The following MECOM variants were observed in gnomAD, a reference collection of about 807,000 sequenced individuals.
MECOM encodes the protein histone-lysine N-methyltransferase MECOM.
MECOM carries 13 observed loss-of-function variants against 116.3 expected under a neutral mutation model. The observed-to-expected ratio is 0.11, with a 90% CI of 0.07 to 0.18. The LOEUF is 0.18. Among genes scored for constraint, MECOM ranks in the 10% least tolerant of loss-of-function variants. The pLI, the probability that MECOM is intolerant of heterozygous loss-of-function variation, is 1.00. For missense variants in MECOM, 1,299 were observed against 1,509.0 expected, an observed-to-expected ratio of 0.86 and a Z score of 2.31; for synonymous variants, 528 against 535.2, an observed-to-expected ratio of 0.99 and a Z score of 0.19.
intron 2 of MECOM, among the ~76,000 whole-genome samples, chr3:169,191,666 CAGAG>C (rs1036418030): frequency 1.6e-5 from 2 of 123,948 alleles, no homozygotes; most frequent in Non-Finnish European, 1.7e-5. Flanking sequence ...CAGGAAAAAA[CAGAG>C]AGAAAGAAGA....
At chr3:169,560,312 A>G (rs1431935756) in intron 1 of MECOM, among the ~76,000 whole-genome samples, 1 of 152,190 alleles carries the variant, frequency 6.6e-6, no homozygotes, top group Non-Finnish European at 1.5e-5. Context: ...AAAGGTGACT[A>G]GAGAAACCAA....
At chr3:169,371,565 G>T (rs1018777702) in intron 2 of MECOM, among the ~76,000 whole-genome samples, 1 of 151,348 alleles carries the variant, frequency 6.6e-6, no homozygotes, top group Non-Finnish European at 1.5e-5. Flanking sequence ...GAGGTGATGG[G>T]TATCTTAATT....
At position 169,390,115 on chromosome 3, in the gene MECOM, G is replaced by A. The variant is rs542813354; in HGVS notation, c.38-8591C>T. On this transcript the variant is annotated intron_variant, in intron 1 of 16. Transcript: ENST00000651503. ...TAACCTTGAGAGGCAGAGGCTGAGAGTCATAGCTGCTTGGGGTCTCTGTTT... is the reference window on the plus strand; with the variant it reads ...TAACCTTGAGAGGCAGAGGCTGAGAATCATAGCTGCTTGGGGTCTCTGTTT... Among the ~76,000 whole-genome samples, 3 of 152,278 alleles carry A rather than the reference G, an allele frequency of 2.0e-5. No homozygotes were observed. In the East Asian group the frequency reaches 5.8e-4, roughly 29 times the overall value.
intron 1 of MECOM, among the ~76,000 whole-genome samples, chr3:169,401,416 T>C (rs1412456128): frequency 6.6e-6 from 1 of 152,176 alleles, no homozygotes; most frequent in East Asian, 1.9e-4. Flanking sequence ...CATTTACATT[T>C]AAAAACCTAC....
chr3:169,484,060 A>G (rs2108870903), intron 1 of MECOM: 2 of 1,096,960 alleles, frequency 1.8e-6, no homozygotes, highest in East Asian at 5.0e-5. Flanking sequence ...AGTACAACCT[A>G]TAGCTACCAG....
chr3:169,290,737 C>G (rs1269663726), intron 2 of MECOM, among the ~76,000 whole-genome samples: 1 of 152,100 alleles, frequency 6.6e-6, no homozygotes, highest in Non-Finnish European at 1.5e-5. Flanking sequence ...AGCTGTATTT[C>G]TAGATCATAA....
At chr3:169,272,479 A>G (rs1577543288) in intron 2 of MECOM, among the ~76,000 whole-genome samples, 1 of 152,216 alleles carries the variant, frequency 6.6e-6, no homozygotes, top group East Asian at 1.9e-4. Context: ...GGTAAAAGAA[A>G]TAGGGGCAGA....
Position 169,107,926 on chromosome 3 carries a change from C to A in MECOM, c.2604G>T (p.Trp868Cys). The A allele has an allele frequency of 6.2e-7, 1 of 1,611,400 alleles. No individual in the cohort carries two copies. The highest frequency in any genetic ancestry group is 2.2e-5 in the East Asian group (1 of 44,744). ...PQFQLPDQRT[W>C]MSAIENMAEK... ...TCAAAAATATAAGTAGGAAACTTAC[C>A]CAAGTTCTCTGATCAGGCAGTTGGA... The change falls in exon 10 of 17, where the codon TGG becomes TGT. Residue 868 changes from tryptophan (W) to cysteine (C), a missense_variant and splice_region_variant. Transcript: ENST00000651503.
At chr3:169,443,168 G>A (rs1177276295) in intron 1 of MECOM, among the ~76,000 whole-genome samples, 1 of 152,168 alleles carries the variant, frequency 6.6e-6, no homozygotes, top group East Asian at 1.9e-4. Flanking sequence ...GGTATCCCAT[G>A]GAAAAGAATA....
chr3:169,274,756 C>T (rs1049914721), intron 2 of MECOM, among the ~76,000 whole-genome samples: 2 of 152,192 alleles, frequency 1.3e-5, no homozygotes, highest in African/African-American at 4.8e-5. Context: ...CTCACTCACG[C>T]TAGTGCTCAA....
intron 1 of MECOM, among the ~76,000 whole-genome samples, chr3:169,581,250 C>A (rs1282698899): frequency 6.6e-6 from 1 of 152,156 alleles, no homozygotes; most frequent in East Asian, 1.9e-4. Flanking sequence ...TTCTTCTTAT[C>A]TCTGATCTTC....
chr3:169,193,229 A>G (rs973007134), intron 2 of MECOM, among the ~76,000 whole-genome samples: 4 of 152,066 alleles, frequency 2.6e-5, no homozygotes, highest in African/African-American at 9.7e-5. Context: ...GACTTGACTT[A>G]ATCATAGTTG....
intron 1 of MECOM, among the ~76,000 whole-genome samples, chr3:169,491,375 G>C (rs567314468): frequency 2.0e-5 from 3 of 152,124 alleles, no homozygotes; most frequent in African/African-American, 7.2e-5. Context: ...ACTAGAAAAG[G>C]CTCTAGGTTG....
intron 1 of MECOM, among the ~76,000 whole-genome samples, chr3:169,657,435 A>T (rs773687521): frequency 7.6e-4 from 115 of 152,244 alleles, no homozygotes; most frequent in Non-Finnish European, 1.3e-3. Flanking sequence ...ATGTAATAAG[A>T]TGCTGTAGCT....
chr3:169,396,982 T>A (rs963639254), intron 1 of MECOM, among the ~76,000 whole-genome samples: 23 of 151,836 alleles, frequency 1.5e-4, no homozygotes, highest in Admixed American at 5.2e-4. Context: ...CAAAAAAAAA[T>A]AAATAAATAA....
chr3:169,210,070 G>A (rs1750513326), intron 2 of MECOM, among the ~76,000 whole-genome samples: 1 of 152,114 alleles, frequency 6.6e-6, no homozygotes, highest in African/African-American at 2.4e-5. Flanking sequence ...GGATGAAGCT[G>A]GAAGCCATCA....
intron 2 of MECOM, among the ~76,000 whole-genome samples, chr3:169,361,696 A>T (rs1728324699): frequency 6.6e-6 from 1 of 151,914 alleles, no homozygotes; most frequent in Non-Finnish European, 1.5e-5. Context: ...AGTCAGTGGT[A>T]GAGAATTTGA....
chr3:169,160,649 T>C (rs2149347268), intron 2 of MECOM, among the ~76,000 whole-genome samples: 1 of 150,790 alleles, frequency 6.6e-6, no homozygotes, highest in Admixed American at 6.6e-5. Context: ...TAATATATTG[T>C]ACATTTTGAA....
chr3:169,307,287 G>C (rs1717898763), intron 2 of MECOM, among the ~76,000 whole-genome samples: 1 of 152,114 alleles, frequency 6.6e-6, no homozygotes, highest in South Asian at 2.1e-4. Flanking sequence ...CCCTTCAATA[G>C]CTTCTCCACA....
Sources: allele counts gnomAD v4.1 joint callset (sites outside exome capture counted in the v4.1 genomes callset), GRCh38; gene constraint gnomAD v4.1.1; transcripts MANE v1.5; gene names NCBI Gene and HGNC (gene_info 2026-07-23, HGNC 2026-07-21).